The following KIAA1217 variants were observed in gnomAD, a reference collection of about 807,000 sequenced individuals.
The protein encoded by KIAA1217 is sickle tail protein homolog.
KIAA1217 carries 88 observed loss-of-function variants against 163.9 expected under a neutral mutation model. The ratio of observed to expected loss-of-function variants is 0.54; its 90% confidence interval spans 0.45 to 0.64. The LOEUF (loss-of-function observed/expected upper bound fraction) is 0.64, where lower values mean the gene tolerates loss of function less well. Among genes scored for constraint, KIAA1217 ranks in the 30% least tolerant of loss-of-function variants. The pLI, the probability that KIAA1217 is intolerant of heterozygous loss-of-function variation, is 0.00. For synonymous variants in KIAA1217, 903 were observed against 923.1 expected, an observed-to-expected ratio of 0.98 and a Z score of 0.39; for missense variants, 2,372 against 2,475.0, an observed-to-expected ratio of 0.96 and a Z score of 0.88.
rs548018511 is a variant in KIAA1217 at position 23,697,523 on chromosome 10, T to A, written c.-321+2289T>A. Among the ~76,000 whole-genome samples, 72 of 152,082 alleles carry A rather than the reference T, an allele frequency of 4.7e-4. No homozygotes were observed. In the Middle Eastern group the frequency reaches 0.01, roughly 22 times the overall value. On this transcript the variant is annotated intron_variant, in intron 1 of 18. Transcript: ENST00000376462. The stretch of plus-strand genomic sequence containing the variant: ...CCATCCCCCTCCACCCCCTGCCAAA[T>A]TTAGTTTCATTATTCATTATTTCAG...
intron 3 of KIAA1217, among the ~76,000 whole-genome samples, chr10:24,429,057 G>A (rs1193813421): frequency 6.6e-6 from 1 of 152,124 alleles, no homozygotes; most frequent in East Asian, 1.9e-4. Flanking sequence ...AGGCTAGGGA[G>A]GGCTTCACTG....
chr10:23,913,988 G>T (rs1457519905), intron 1 of KIAA1217, among the ~76,000 whole-genome samples: 1 of 152,112 alleles, frequency 6.6e-6, no homozygotes, highest in Non-Finnish European at 1.5e-5. Flanking sequence ...CTAGGTGCCA[G>T]GGGTGTTGCA....
chr10:23,698,425 T>C (rs887082546), intron 1 of KIAA1217, among the ~76,000 whole-genome samples: 2 of 152,214 alleles, frequency 1.3e-5, no homozygotes, highest in Admixed American at 1.3e-4. Context: ...GTTTCTTCTG[T>C]GGTAGATCTT....
intron 1 of KIAA1217, among the ~76,000 whole-genome samples, chr10:23,953,003 G>A (rs149521538): frequency 2.0e-5 from 3 of 152,324 alleles, no homozygotes; most frequent in East Asian, 3.9e-4. Flanking sequence ...TGCATGAGGA[G>A]TTCTATTAAT....
At chr10:24,272,124 T>G (rs2076830591) in intron 2 of KIAA1217, among the ~76,000 whole-genome samples, 1 of 152,154 alleles carries the variant, frequency 6.6e-6, no homozygotes, top group Non-Finnish European at 1.5e-5. Context: ...TTGTTTTCCC[T>G]TCTCTCTACA....
intron 2 of KIAA1217, among the ~76,000 whole-genome samples, chr10:24,023,558 T>C (rs902684545): frequency 4.0e-5 from 6 of 151,626 alleles, no homozygotes; most frequent in African/African-American, 1.5e-4. Context: ...GCAATTTCTG[T>C]AGGGCCAACA....
At chr10:24,394,697 A>G (rs1238722949) in intron 3 of KIAA1217, among the ~76,000 whole-genome samples, 1 of 152,136 alleles carries the variant, frequency 6.6e-6, no homozygotes, top group Non-Finnish European at 1.5e-5. Flanking sequence ...TGGCTGTTCC[A>G]GCAGTCTCGC....
intron 17 of KIAA1217, among the ~76,000 whole-genome samples, chr10:24,541,452 G>C (rs887526338): frequency 1.3e-5 from 2 of 152,120 alleles, no homozygotes; most frequent in African/African-American, 4.8e-5. Context: ...AGGCGTGTAT[G>C]AACAGTCTTT....
intron 1 of KIAA1217, among the ~76,000 whole-genome samples, chr10:23,992,936 C>T (rs187714267): frequency 2.6e-5 from 4 of 151,764 alleles, no homozygotes; most frequent in East Asian, 1.9e-4. Context: ...GTGATACCAC[C>T]GCCAGTTTTA....
At position 24,159,909 on chromosome 10, in the gene KIAA1217, G is replaced by A. The variant is rs189183595; in HGVS notation, c.-170-59717G>A. ...TATCTGGTGCAAGATACCCATTGAA[G>A]TTTGTTTCCTTCTTTGATATCTAAT... On this transcript the variant is annotated intron_variant, in intron 2 of 18. Transcript: ENST00000376462. Among the ~76,000 whole-genome samples the A allele has an allele frequency of 2.4e-3, 369 of 152,310 alleles. 2 individuals carry two copies. The highest frequency in any genetic ancestry group is 0.01 in the Middle Eastern group (3 of 294).
intron 2 of KIAA1217, among the ~76,000 whole-genome samples, chr10:24,103,903 C>T (rs548672007): frequency 6.6e-6 from 1 of 152,182 alleles, no homozygotes; most frequent in East Asian, 1.9e-4. Context: ...ATTCTCTGTC[C>T]CCCAAAAATA....
intron 3 of KIAA1217, among the ~76,000 whole-genome samples, chr10:24,398,675 C>T (rs80146078): frequency 0.018 from 2,700 of 152,168 alleles, 94 homozygotes; most frequent in African/African-American, 0.061. Flanking sequence ...TCCCATGATT[C>T]TTTCCTCTGG....
chr10:24,281,272 C>T (rs1186912926), intron 2 of KIAA1217, among the ~76,000 whole-genome samples: 1 of 151,920 alleles, frequency 6.6e-6, no homozygotes, highest in Non-Finnish European at 1.5e-5. Flanking sequence ...ATTTTTTTGC[C>T]ATCGTTTTTA....
chr10:24,308,128 C>T (rs1400699116), intron 2 of KIAA1217, among the ~76,000 whole-genome samples: 2 of 152,156 alleles, frequency 1.3e-5, no homozygotes, highest in Non-Finnish European at 2.9e-5. Flanking sequence ...CCATGGTACC[C>T]ACTCTATTGC....
intron 4 of KIAA1217, among the ~76,000 whole-genome samples, chr10:24,433,885 A>T (rs2059799361): frequency 6.6e-6 from 1 of 152,136 alleles, no homozygotes; most frequent in South Asian, 2.1e-4. Flanking sequence ...TTACCCAAAG[A>T]TCTTACTTTC....
intron 2 of KIAA1217, among the ~76,000 whole-genome samples, chr10:24,124,789 A>C (rs2063407984): frequency 6.6e-6 from 1 of 152,196 alleles, no homozygotes; most frequent in Admixed American, 6.5e-5. Flanking sequence ...ACTTGATCCC[A>C]GTTTTATAAA....
chr10:23,875,491 C>T (rs1050540917), intron 1 of KIAA1217, among the ~76,000 whole-genome samples: 1 of 151,928 alleles, frequency 6.6e-6, no homozygotes, highest in Non-Finnish European at 1.5e-5. Context: ...CATGAAAATG[C>T]ACCTCCAGTT....
chr10:24,013,918 C>T (rs1255476003), intron 2 of KIAA1217, among the ~76,000 whole-genome samples: 3 of 152,068 alleles, frequency 2.0e-5, no homozygotes, highest in Non-Finnish European at 4.4e-5. Context: ...AGAGCCAGCA[C>T]CTTAGACAGT....
At chr10:24,507,552 T>A (rs2068532467) in intron 9 of KIAA1217, among the ~76,000 whole-genome samples, 1 of 152,118 alleles carries the variant, frequency 6.6e-6, no homozygotes, top group Admixed American at 6.6e-5. Context: ...GCCCAAAATG[T>A]CAGTCACCCT....
Sources: allele counts gnomAD v4.1 joint callset (sites outside exome capture counted in the v4.1 genomes callset), GRCh38; gene constraint gnomAD v4.1.1; transcripts MANE v1.5; gene names NCBI Gene and HGNC (gene_info 2026-07-23, HGNC 2026-07-21).